The following CACNA1C variants were observed in gnomAD, a reference collection of about 807,000 sequenced individuals.
CACNA1C encodes calcium voltage-gated channel subunit alpha1 C.
CACNA1C carries 30 observed loss-of-function variants against 229.0 expected under a neutral mutation model. The observed-to-expected ratio is 0.13, with a 90% CI of 0.10 to 0.18. The LOEUF is 0.18. Among genes scored for constraint, CACNA1C ranks in the 10% least tolerant of loss-of-function variants. CACNA1C has a pLI of 1.00. For missense variants in CACNA1C, 1,658 were observed against 2,845.0 expected (o/e 0.58, Z 9.49); for synonymous variants, 1,114 against 1,132.5 (o/e 0.98, Z 0.33).
chr12:2,434,388 C>T (rs1427019294), intron 3 of CACNA1C, among the ~76,000 whole-genome samples: 2 of 152,182 alleles, frequency 1.3e-5, no homozygotes, highest in Non-Finnish European at 2.9e-5. Flanking sequence ...TCACATCTTC[C>T]CTTTAGTCCT....
chr12:2,200,676 T>C (rs548725431), intron 3 of CACNA1C, among the ~76,000 whole-genome samples: 6 of 152,294 alleles, frequency 3.9e-5, no homozygotes, highest in Non-Finnish European at 8.8e-5. Context: ...ATTCTGGGAA[T>C]GACAAGGGCT....
chr12:2,643,376 C>G (rs1569008181), intron 30 of CACNA1C, among the ~76,000 whole-genome samples: 4 of 152,202 alleles, frequency 2.6e-5, no homozygotes. Flanking sequence ...TCACTTCTGT[C>G]TCTCCACTCA....
intron 3 of CACNA1C, among the ~76,000 whole-genome samples, chr12:2,323,777 T>C (rs1441734275): frequency 6.6e-6 from 1 of 151,826 alleles, no homozygotes; most frequent in African/African-American, 2.4e-5. Context: ...GTGGGTCTAA[T>C]GGAGGCTGCG....
chr12:2,195,770 G>A (rs1251540614), intron 3 of CACNA1C, among the ~76,000 whole-genome samples: 2 of 152,164 alleles, frequency 1.3e-5, no homozygotes, highest in African/African-American at 2.4e-5. Flanking sequence ...CTTAGGATAG[G>A]GAATGTCGAA....
At position 2,691,090 on chromosome 12, in the gene CACNA1C, C is replaced by T. The variant is rs1402303798; in HGVS notation, c.6308C>T (p.Ala2103Val). ...TTACCCTTTGTGAACTGCAGGGACG[C>T]GGGGCAGGACCGAGCCGGGGGCGAA... ...ALLPFVNCRD[A>V]GQDRAGGEED... is the part of the protein sequence containing the mutation. Residue 2103 changes from alanine to valine, a missense_variant, in exon 47 of 47, where the codon GCG (alanine) becomes GTG (valine). Transcript: ENST00000399655. The T allele has an allele frequency of 1.2e-6, 2 of 1,612,138 alleles. No homozygotes were observed. The highest frequency in any genetic ancestry group is 1.7e-6 in the Non-Finnish European group (2 of 1,179,194).
At chr12:2,684,331 C>G (rs1253262803) in intron 43 of CACNA1C, among the ~76,000 whole-genome samples, 3 of 152,112 alleles carry the variant, frequency 2.0e-5, no homozygotes, top group African/African-American at 7.2e-5. Context: ...GGTGACAGGC[C>G]TTCTACTTTT....
At chr12:2,579,456 C>CCCAGCCCCAGAG (rs1461788023) in intron 13 of CACNA1C, among the ~76,000 whole-genome samples, 26 of 152,012 alleles carry the variant, frequency 1.7e-4, no homozygotes, top group Non-Finnish European at 2.9e-4. Context: ...TGAGGATTAC[C>CCCAGCCCCAGAG]CCAGCCCCAG....
chr12:2,202,670 A>T (rs1860056), intron 3 of CACNA1C, among the ~76,000 whole-genome samples: 87,742 of 152,010 alleles, frequency 0.58, 27,968 homozygotes, highest in African/African-American at 0.86. Flanking sequence ...ACAGCCACAG[A>T]GGAGAAGAGG....
At chr12:2,148,617 G>A (rs2094943462) in intron 3 of CACNA1C, among the ~76,000 whole-genome samples, 1 of 151,132 alleles carries the variant, frequency 6.6e-6, no homozygotes, top group African/African-American at 2.4e-5. Context: ...GCATGATCTC[G>A]GCTCACTGCA....
chr12:2,140,923 A>G (rs1281548781), intron 3 of CACNA1C, among the ~76,000 whole-genome samples: 2 of 151,248 alleles, frequency 1.3e-5, no homozygotes, highest in African/African-American at 4.8e-5. Flanking sequence ...AATACCATGG[A>G]GAAAGTAAAG....
At chr12:2,392,537 C>G (rs556806607) in intron 3 of CACNA1C, among the ~76,000 whole-genome samples, 3 of 152,106 alleles carry the variant, frequency 2.0e-5, no homozygotes, top group East Asian at 1.9e-4. Flanking sequence ...TCTGAGAAAC[C>G]GTTGTGTCTG....
intron 3 of CACNA1C, among the ~76,000 whole-genome samples, chr12:2,426,069 T>C (rs2099028876): frequency 6.6e-6 from 1 of 152,006 alleles, no homozygotes; most frequent in Admixed American, 6.6e-5. Context: ...AATGAGAGAG[T>C]AGGATACAGC....
intron 3 of CACNA1C, among the ~76,000 whole-genome samples, chr12:2,329,516 T>C (rs138613201): frequency 6.6e-6 from 1 of 152,300 alleles, no homozygotes; most frequent in African/African-American, 2.4e-5. Flanking sequence ...TTGTGCCTCT[T>C]GTCAAGCAAG....
At position 2,666,293 on chromosome 12, in the gene CACNA1C, G is replaced by A. The variant is rs1376394201; in HGVS notation, c.4527-393G>A. 6.6e-6 allele frequency among the ~76,000 whole-genome samples: 1 copy of A among 151,086 alleles called. No individual in the cohort carries two copies. Among genetic ancestry groups the A allele is most frequent in the Non-Finnish European group, 1.5e-5 (1 of 67,846 alleles). On this transcript the variant is annotated intron_variant, in intron 36 of 46. Coordinates refer to ENST00000399655, the MANE Select transcript of CACNA1C (RefSeq NM_000719.7). This position sits in a 1 kb window ranked among gnomAD's most constrained non-coding sequence, Gnocchi z 5.3. ...TAAGTGCTCAAGTTAGGATAGGTAG[G>A]GCCGGGGAAAATCTTGATTCCATTC...
chr12:2,458,659 G>A (rs1174538591), intron 5 of CACNA1C, among the ~76,000 whole-genome samples: 1 of 152,208 alleles, frequency 6.6e-6, no homozygotes, highest in East Asian at 1.9e-4. Context: ...TAAGGGACAG[G>A]AAGACAGAGG....
chr12:2,529,425 A>G (rs2099835635), intron 9 of CACNA1C, among the ~76,000 whole-genome samples: 1 of 152,188 alleles, frequency 6.6e-6, no homozygotes, highest in African/African-American at 2.4e-5. Flanking sequence ...TACATCTTGA[A>G]TGTGGGGACT....
At chr12:2,016,705 C>G (rs2045442333) in intron 1 of CACNA1C, among the ~76,000 whole-genome samples, 1 of 152,222 alleles carries the variant, frequency 6.6e-6, no homozygotes, top group South Asian at 2.1e-4. Flanking sequence ...GCTGAGATTA[C>G]AGGCGTGAGC....
intron 3 of CACNA1C, among the ~76,000 whole-genome samples, chr12:2,422,821 T>A (rs890469989): frequency 6.6e-6 from 1 of 152,124 alleles, no homozygotes; most frequent in Non-Finnish European, 1.5e-5. Context: ...ATGGGTTAAC[T>A]GCAGCGGCCC....
intron 3 of CACNA1C, among the ~76,000 whole-genome samples, chr12:2,307,622 G>A (rs972189299): frequency 1.3e-5 from 2 of 152,230 alleles, no homozygotes; most frequent in East Asian, 3.8e-4. Flanking sequence ...TGAAGGGCCA[G>A]GGTCTTGGGA....
Sources: gnomAD v4.1 joint callset for allele counts (sites outside exome capture counted in the v4.1 genomes callset) on GRCh38, gnomAD v4.1.1 for gene constraint, Gnocchi (gnomAD v3.1) non-coding constraint, MANE v1.5 for transcripts, NCBI Gene and HGNC (gene_info 2026-07-23, HGNC 2026-07-21) for gene names.